NCALD: variants seen among roughly 807,000 people sequenced by gnomAD.
NCALD encodes neurocalcin delta.
In NCALD, 10 loss-of-function variants were observed where a neutral mutation model predicts 18.6. The observed-to-expected ratio is 0.54, with a 90% CI of 0.33 to 0.91. The LOEUF (loss-of-function observed/expected upper bound fraction) is 0.91. Among genes scored for constraint, NCALD ranks in the 40% least tolerant of loss-of-function variants. The pLI is 0.03. For missense variants in NCALD, 184 were observed against 247.6 expected (o/e 0.74, Z 1.72); for synonymous variants, 88 against 87.4 (o/e 1.01, Z -0.04).
At chr8:101,989,450 T>C (rs1402483049) in intron 2 of NCALD, among the ~76,000 whole-genome samples, 1 of 152,186 alleles carries the variant, frequency 6.6e-6, no homozygotes, top group African/African-American at 2.4e-5. Flanking sequence ...TTTAAAAAAA[T>C]TGGAAATAAC....
chr8:101,766,892 T>G (rs1488891299), intron 1 of NCALD, among the ~76,000 whole-genome samples: 2 of 152,238 alleles, frequency 1.3e-5, no homozygotes, highest in African/African-American at 2.4e-5. Context: ...CAAAGAAGTT[T>G]TAAAACTATA....
chr8:101,992,113 G>A (rs1021416591), intron 2 of NCALD, among the ~76,000 whole-genome samples: 4 of 152,176 alleles, frequency 2.6e-5, no homozygotes, highest in African/African-American at 4.8e-5. Context: ...GGGAACTGAC[G>A]CCATCTGAGC....
At chr8:102,027,288 G>C (rs1312106054) in intron 1 of NCALD, among the ~76,000 whole-genome samples, 3 of 152,192 alleles carry the variant, frequency 2.0e-5, no homozygotes, top group East Asian at 1.9e-4. Flanking sequence ...AAATTTTTAT[G>C]ATCTGTTTCC....
chr8:101,758,877 G>A (rs1046638777), intron 1 of NCALD, among the ~76,000 whole-genome samples: 2 of 152,142 alleles, frequency 1.3e-5, no homozygotes, highest in Non-Finnish European at 2.9e-5. Flanking sequence ...CCAATAATAA[G>A]AAAGATCCCA....
rs752580028 is a variant in NCALD at position 101,689,938 on chromosome 8, CGTAA to C, written c.485-536_485-533del. ...CCTATCTTGGGGAAGAAGCCGTGGA[CGTAA>C]GTGTTTGTTCATACACCACGGGAAG... On this transcript the variant is annotated intron_variant, in intron 3 of 3. Coordinates refer to ENST00000220931, the MANE Select transcript of NCALD (RefSeq NM_032041.3). The surrounding 1 kb of genome is among the most constrained non-coding windows in gnomAD (Gnocchi z 4.4). Among the ~76,000 whole-genome samples, 6 of 152,320 alleles carry C rather than the reference CGTAA, an allele frequency of 3.9e-5. No homozygotes were observed. The East Asian group carries it at 9.6e-4, about 24-fold the overall frequency.
At chr8:101,987,827 CA>C (rs1820872474) in intron 2 of NCALD, among the ~76,000 whole-genome samples, 1 of 152,174 alleles carries the variant, frequency 6.6e-6, no homozygotes, top group Non-Finnish European at 1.5e-5. Flanking sequence ...CACAGTAGCA[CA>C]AACTCACCTG....
intron 2 of NCALD, among the ~76,000 whole-genome samples, chr8:101,701,797 G>T (rs1815280303): frequency 6.6e-6 from 1 of 152,238 alleles, no homozygotes; most frequent in Non-Finnish European, 1.5e-5. Context: ...ACGGACAACA[G>T]AAGTTTGGCA....
At chr8:101,830,149 T>C (rs76452693) in intron 4 of NCALD, among the ~76,000 whole-genome samples, 258 of 152,326 alleles carry the variant, frequency 1.7e-3, no homozygotes, top group East Asian at 7.5e-3. Flanking sequence ...TGAGGTTAAA[T>C]GAATTGCTGA....
intron 2 of NCALD, among the ~76,000 whole-genome samples, chr8:101,941,761 T>C (rs1818965885): frequency 6.6e-6 from 1 of 152,144 alleles, no homozygotes; most frequent in Non-Finnish European, 1.5e-5. Flanking sequence ...GCACCATCAG[T>C]CTTAACTACA....
chr8:102,012,180 G>C (rs1296850110), intron 2 of NCALD, among the ~76,000 whole-genome samples: 1 of 152,102 alleles, frequency 6.6e-6, no homozygotes, highest in East Asian at 1.9e-4. Context: ...CAACTGCTCT[G>C]CCAAGCAAAC....
intron 2 of NCALD, among the ~76,000 whole-genome samples, chr8:101,920,859 A>AT (rs1185801488): frequency 1.3e-5 from 2 of 152,228 alleles, no homozygotes; most frequent in Non-Finnish European, 2.9e-5. Flanking sequence ...ACCTGCACAT[A>AT]TACCCACTGA....
chr8:101,979,439 T>G (rs1317905029), intron 2 of NCALD, among the ~76,000 whole-genome samples: 2 of 152,128 alleles, frequency 1.3e-5, no homozygotes, highest in Admixed American at 6.5e-5. Context: ...TCGGCAAATA[T>G]GCATGAGAAA....
chr8:101,996,634 T>G (rs988771248), intron 2 of NCALD, among the ~76,000 whole-genome samples: 2 of 152,238 alleles, frequency 1.3e-5, no homozygotes, highest in Admixed American at 1.3e-4. Flanking sequence ...TTGTTGGAGG[T>G]CATCTTGACA....
At chr8:101,797,873 A>G (rs1812699157) in intron 4 of NCALD, among the ~76,000 whole-genome samples, 1 of 152,214 alleles carries the variant, frequency 6.6e-6, no homozygotes, top group Admixed American at 6.5e-5. Context: ...GCAAAAAATA[A>G]ATTAAATAAA....
At chr8:102,095,632 C>T (rs918539479) in intron 1 of NCALD, among the ~76,000 whole-genome samples, 8 of 152,090 alleles carry the variant, frequency 5.3e-5, no homozygotes, top group African/African-American at 1.9e-4. Context: ...TCAACGTGTA[C>T]ACCCTGAAAT....
chr8:102,012,258 A>G (rs1476078723), intron 2 of NCALD, among the ~76,000 whole-genome samples: 1 of 152,224 alleles, frequency 6.6e-6, no homozygotes, highest in Non-Finnish European at 1.5e-5. Context: ...TGATTCTCCT[A>G]CAAATGTAAT....
intron 1 of NCALD, among the ~76,000 whole-genome samples, chr8:102,103,144 G>A (rs1825341289): frequency 6.6e-6 from 1 of 152,102 alleles, no homozygotes; most frequent in South Asian, 2.1e-4. Flanking sequence ...GAACCTTGGT[G>A]GACTCAGCTC....
At chr8:101,716,480 G>T (rs1268784863) in intron 2 of NCALD, among the ~76,000 whole-genome samples, 1 of 151,856 alleles carries the variant, frequency 6.6e-6, no homozygotes, top group Non-Finnish European at 1.5e-5. Flanking sequence ...TTTTAAAAAA[G>T]AAAAAATTAT....
chr8:101,779,618 G>T (rs559294211), intron 1 of NCALD, among the ~76,000 whole-genome samples: 34 of 152,228 alleles, frequency 2.2e-4, no homozygotes, highest in African/African-American at 7.7e-4. Context: ...AGTGGTTTAC[G>T]ACTTCATGAA....
Sources: gnomAD v4.1 joint callset for allele counts (sites outside exome capture counted in the v4.1 genomes callset) on GRCh38, gnomAD v4.1.1 for gene constraint, Gnocchi (gnomAD v3.1) non-coding constraint, MANE v1.5 for transcripts, NCBI Gene and HGNC (gene_info 2026-07-23, HGNC 2026-07-21) for gene names.